The following DYNC2H1 variants were observed in gnomAD, a reference collection of about 807,000 sequenced individuals.
The protein encoded by DYNC2H1 is dynein cytoplasmic 2 heavy chain 1.
Under a neutral mutation model 570.0 loss-of-function variants are expected in DYNC2H1, and 410 were observed. The observed-to-expected ratio is 0.72, with a 90% CI of 0.66 to 0.78. The LOEUF (loss-of-function observed/expected upper bound fraction) is 0.78, where lower values mean the gene tolerates loss of function less well. Among genes scored for constraint, DYNC2H1 ranks in the 30% least tolerant of loss-of-function variants. DYNC2H1 has a pLI of 0.00. For missense variants in DYNC2H1, 4,865 were observed against 5,046.4 expected (o/e 0.96, Z 1.09); for synonymous variants, 1,688 against 1,677.6 (o/e 1.01, Z -0.15).
At chr11:103,236,993 C>T (rs1301023429) in intron 63 of DYNC2H1, among the ~76,000 whole-genome samples, 1 of 151,916 alleles carries the variant, frequency 6.6e-6, no homozygotes, top group Non-Finnish European at 1.5e-5. Context: ...TTTGTTTTGT[C>T]ACATAGTGCA....
In DYNC2H1 at chr11:103,147,875, A is replaced by C. The variant is rs1381790716; in HGVS notation, c.2806A>C (p.Lys936Gln). ...TGATCTGCTTGTTCTTTCTTTGAAG[A>C]AGTCCATACAGGGTAAATACACATT... The part of the protein sequence containing the change: ...LFDLLVLSLK[K>Q]SIQAHLHEID... Residue 936 changes from lysine to glutamine, a missense_variant, in exon 19 of 89, where the codon AAG (lysine) becomes CAG (glutamine). Lys to Gln is a moderately conservative substitution (Grantham distance 53). Around this residue, in one of 5 missense-constraint regions of DYNC2H1, gnomAD observed 1,936 missense variants for 1,962.1 expected, o/e 0.99. Coordinates refer to ENST00000375735, the MANE Select transcript of DYNC2H1 (RefSeq NM_001377.3). 3 of 1,603,668 alleles carry C rather than the reference A, an allele frequency of 1.9e-6. No individual in the cohort carries two copies. In the Admixed American group the frequency reaches 5.0e-5, roughly 27 times the overall value.
At chr11:103,124,012 A>G (rs1858860841) in intron 11 of DYNC2H1, among the ~76,000 whole-genome samples, 1 of 145,756 alleles carries the variant, frequency 6.9e-6, no homozygotes, top group South Asian at 2.2e-4. Flanking sequence ...CTAAATCATC[A>G]TTTTAAGCCA....
Position 103,177,764 on chromosome 11 carries a change from A to AATG in DYNC2H1, c.6084_6086dup (p.Glu2028_Trp2029insTer). 6.2e-7 allele frequency: 1 copy of AATG among 1,613,244 alleles called. No individual in the cohort carries two copies. Among genetic ancestry groups the AATG allele is most frequent in the South Asian group, 1.1e-5 (1 of 90,940 alleles). ...GGCCATATTGACATGGACACAAGAGAATGGTCTGATGGTGTTTTGACAAAT... is the reference window on the plus strand; with the variant it reads ...GGCCATATTGACATGGACACAAGAGAATGATGGTCTGATGGTGTTTTGACAAAT... On this transcript the variant is annotated stop_gained and inframe_insertion, in exon 38 of 89. Coordinates refer to ENST00000375735, the MANE Select transcript of DYNC2H1 (RefSeq NM_001377.3). LOFTEE classifies it high-confidence loss of function. This position sits in a 1 kb window ranked among gnomAD's most constrained non-coding sequence, Gnocchi z 4.4.
chr11:103,220,903 A>C (rs1863561298), intron 57 of DYNC2H1, 120 bp downstream of exon 57: 1 of 938,888 alleles, frequency 1.1e-6, no homozygotes, highest in African/African-American at 1.7e-5. Flanking sequence ...ATGGGTGTAC[A>C]TTTTGGCTTG....
At position 103,399,884 on chromosome 11, in the gene DYNC2H1, C is replaced by G; in HGVS notation, c.12366+12C>G. On this transcript the variant is annotated intron_variant, in intron 84 of 88. Transcript: ENST00000375735. ...TATTAAACCAAAAGGTAAGCGAGTA[C>G]TAACTGTATGTATTTTTATTTCATT... 1 of 1,598,536 alleles carries G rather than the reference C, an allele frequency of 6.3e-7. No individual in the cohort carries two copies. Among genetic ancestry groups the G allele is most frequent in the African/African-American group, 1.3e-5 (1 of 74,572 alleles).
intron 70 of DYNC2H1, among the ~76,000 whole-genome samples, chr11:103,278,897 G>A (rs1037078310): frequency 1.3e-5 from 2 of 152,148 alleles, no homozygotes; most frequent in African/African-American, 2.4e-5. Context: ...CATGTAATGA[G>A]ACTGTTCTTA....
rs939304649 is a variant in DYNC2H1, at chr11:103,423,431, A to C, written c.12367-12512A>C. Among the ~76,000 whole-genome samples, 339 of 120,492 alleles carry C rather than the reference A, an allele frequency of 2.8e-3. 2 individuals are homozygous for C. Among genetic ancestry groups the C allele is most frequent in the African/African-American group, 0.01 (313 of 30,648 alleles). The allele number at this position is 120,492 out of a possible 152,430, so 79.0% of individuals were successfully genotyped here. A position where few individuals can be genotyped will look rare whatever the true frequency, so the allele number is the denominator to read the frequency against. On this transcript the variant is annotated intron_variant, in intron 84 of 88. Coordinates refer to ENST00000375735, the MANE Select transcript of DYNC2H1 (RefSeq NM_001377.3). ...AGTAAAAAAAAAAAAAAAAAAAAAA[A>C]AAAAAAACCCTGCAACTGTGTCTCC...
At chr11:103,435,631 T>C (rs1271343315) in intron 84 of DYNC2H1, among the ~76,000 whole-genome samples, 1 of 152,154 alleles carries the variant, frequency 6.6e-6, no homozygotes, top group East Asian at 1.9e-4. Flanking sequence ...TTACCACTTA[T>C]AAAATGAATT....
At chr11:103,392,774 A>T (rs1004492593) in intron 83 of DYNC2H1, among the ~76,000 whole-genome samples, 2 of 152,204 alleles carry the variant, frequency 1.3e-5, no homozygotes, top group Non-Finnish European at 2.9e-5. Context: ...TGGAAAAAAA[A>T]AAAGTCTTCC....
chr11:103,470,563 C>A (rs1363754200), intron 88 of DYNC2H1, among the ~76,000 whole-genome samples: 1 of 152,140 alleles, frequency 6.6e-6, no homozygotes, highest in Non-Finnish European at 1.5e-5. Flanking sequence ...CTAATGCTAT[C>A]CCTCCCACCA....
chr11:103,291,220 C>T (rs192857585), intron 75 of DYNC2H1, among the ~76,000 whole-genome samples: 1 of 152,204 alleles, frequency 6.6e-6, no homozygotes, highest in African/African-American at 2.4e-5. Context: ...GGCAGATCAC[C>T]TGAGGTCGGG....
chr11:103,223,039 C>T lies in DYNC2H1; in HGVS notation c.9306C>T (p.Val3102=). 6.2e-7 allele frequency: 1 copy of T among 1,613,246 alleles called. No individual in the cohort carries two copies. Among genetic ancestry groups the T allele is most frequent in the Non-Finnish European group, 8.5e-7 (1 of 1,179,522 alleles). Reference sequence around the variant, plus strand: ...AAGCCAATATTCAGTATTCCCATGTCTTGGAACGAATTCATCCTTTGGAAA... The same window carrying T: ...AAGCCAATATTCAGTATTCCCATGTTTTGGAACGAATTCATCCTTTGGAAA... ...WVKANIQYSH[V]LERIHPLETE... Residue 3102 remains valine (V), a synonymous_variant, in exon 59 of 89, where the codon GTC becomes GTT. Coordinates refer to ENST00000375735, the MANE Select transcript of DYNC2H1 (RefSeq NM_001377.3).
intron 70 of DYNC2H1, among the ~76,000 whole-genome samples, chr11:103,265,546 C>A (rs1264736248): frequency 6.6e-6 from 1 of 152,168 alleles, no homozygotes; most frequent in African/African-American, 2.4e-5. Context: ...GTCTGTCAGT[C>A]CCTGCATTGT....
chr11:103,161,006 C>T lies in DYNC2H1; in HGVS notation c.4453C>T (p.Pro1485Ser). Residue 1485 changes from proline to serine, a missense_variant, in exon 29 of 89, where the codon CCT (proline) becomes TCT (serine). Coordinates refer to ENST00000375735, the MANE Select transcript of DYNC2H1 (RefSeq NM_001377.3). ...GAAATCTTTAGAGGGAGAAGTTGTACCTTTTAAAAATAAAGTTCCTCTATC... is the reference window on the plus strand; with the variant it reads ...GAAATCTTTAGAGGGAGAAGTTGTATCTTTTAAAAATAAAGTTCCTCTATC... ...AMKSLEGEVV[P>S]FKNKVPLSNN... 6.5e-7 allele frequency: 1 copy of T among 1,546,160 alleles called. No homozygotes were observed. Among genetic ancestry groups the T allele is most frequent in the Non-Finnish European group, 8.7e-7 (1 of 1,150,788 alleles).
At chr11:103,188,456 C>A in intron 43 of DYNC2H1, 41 bp from the exon 44 acceptor site, 1 of 1,430,030 alleles carries the variant, frequency 7.0e-7, no homozygotes. Context: ...ATTAGGAAAT[C>A]TTAGATAAAA....
chr11:103,222,327 G>T (rs1002772458), intron 58 of DYNC2H1, among the ~76,000 whole-genome samples, 174 bp downstream of exon 58: 1 of 152,132 alleles, frequency 6.6e-6, no homozygotes, highest in Non-Finnish European at 1.5e-5. Flanking sequence ...AGGTAAATTA[G>T]AATCTAGGTA....
At chr11:103,233,830 ATGTGTGTGTGTGTG>A (rs745355739) in intron 60 of DYNC2H1, among the ~76,000 whole-genome samples, 190 bp from the exon 61 acceptor site, 39 of 75,842 alleles carry the variant, frequency 5.1e-4, no homozygotes, top group East Asian at 6.6e-4. Context: ...GCTACACTTT[ATGTGTGTGTGTGTG>A]TGTGTGTGTG....
intron 52 of DYNC2H1, among the ~76,000 whole-genome samples, chr11:103,207,201 G>A (rs796609434): frequency 2.1e-4 from 31 of 149,660 alleles, no homozygotes; most frequent in African/African-American, 5.7e-4. Context: ...GATTATAGGC[G>A]TGAGCTACCG....
In DYNC2H1 at chr11:103,282,198, G is replaced by T; in HGVS notation, c.10781G>T (p.Gly3594Val). ...FQENEWDTFTGVVVGDMLRKA... is the reference protein window; with the variant it reads ...FQENEWDTFTVVVVGDMLRKA... ...CAATAGGAATGGGATACGTTTACAG[G>T]TGTGGTTGTTGGAGACATGTTACGG... Residue 3594 changes from glycine (G) to valine (V), a missense_variant, in exon 72 of 89, where the codon GGT (glycine) becomes GTT (valine). This residue lies in a region of DYNC2H1 where 2,401 missense variants were observed against 2,454.6 expected (regional missense o/e 0.98). Transcript: ENST00000375735. 1 of 1,608,488 alleles carries T rather than the reference G, an allele frequency of 6.2e-7. No individual in the cohort carries two copies. The highest frequency in any genetic ancestry group is 8.5e-7 in the Non-Finnish European group (1 of 1,177,592).
Sources: allele counts gnomAD v4.1 joint callset (sites outside exome capture counted in the v4.1 genomes callset), GRCh38; gene constraint gnomAD v4.1.1; regional missense constraint gnomAD v4.1.1; non-coding constraint Gnocchi (gnomAD v3.1); transcripts MANE v1.5; gene names NCBI Gene and HGNC (gene_info 2026-07-23, HGNC 2026-07-21).